The following TOP2A variants were observed in gnomAD, a reference collection of about 807,000 sequenced individuals.
The protein encoded by TOP2A is DNA topoisomerase II alpha.
TOP2A carries 68 observed loss-of-function variants against 187.2 expected under a neutral mutation model. That is an observed-to-expected ratio of 0.36 (90% CI 0.30 to 0.44). The LOEUF (loss-of-function observed/expected upper bound fraction) is 0.44, where lower values mean the gene tolerates loss of function less well. Among genes scored for constraint, TOP2A ranks in the 20% least tolerant of loss-of-function variants. The pLI, the probability that TOP2A is intolerant of heterozygous loss-of-function variation, is 1.00. For synonymous variants in TOP2A, 542 were observed against 593.2 expected (o/e 0.91, Z 1.25); for missense variants, 1,196 against 1,808.7 (o/e 0.66, Z 6.14).
chr17:40,406,300 C>G, intron 16 of TOP2A, 84 bp downstream of exon 16: 1 of 918,172 alleles, frequency 1.1e-6, no homozygotes, highest in Non-Finnish European at 1.6e-6. Flanking sequence ...GATACGGAGT[C>G]TTATACAAAA....
intron 24 of TOP2A, among the ~76,000 whole-genome samples, 175 bp downstream of exon 24, chr17:40,399,697 A>G (rs1017954093): frequency 2.6e-5 from 4 of 152,176 alleles, no homozygotes; most frequent in African/African-American, 9.7e-5. Flanking sequence ...AGGAAACATC[A>G]TCTCTTTCAA....
At chr17:40,399,204 G>T in intron 24 of TOP2A, 73 bp from the exon 25 acceptor site, 1 of 1,095,582 alleles carries the variant, frequency 9.1e-7, no homozygotes, top group Non-Finnish European at 1.3e-6. Flanking sequence ...TTTTACACAA[G>T]TCAAAAGTTT....
At chr17:40,409,503 A>C (rs776677903) in intron 10 of TOP2A, 2 of 444,374 alleles carry the variant, frequency 4.5e-6, no homozygotes, top group Non-Finnish European at 9.0e-6. Context: ...TTACGCCTGT[A>C]ATCACAGCAC....
rs1343014654 is a variant in TOP2A at position 40,392,597 on chromosome 17, G to A, written c.3952C>T (p.Arg1318Trp). The stretch of plus-strand genomic sequence containing the variant: ...TAGTTTTCCTTACTTGCTGCTCTCC[G>A]TGGCTCTGTTTCTCGTGGAGGGACA... ...FDVPPRETEP[R>W]RAATKTKFTM... is the part of the protein sequence containing the mutation. The change falls in exon 30 of 35, where the codon CGG (arginine) becomes TGG (tryptophan). Residue 1318 changes from arginine (R) to tryptophan (W), a missense_variant. Around this residue, in one of 10 missense-constraint regions of TOP2A, gnomAD observed 374 missense variants for 403.3 expected, o/e 0.93. Transcript: ENST00000423485. 4 of 1,611,132 alleles carry A rather than the reference G, an allele frequency of 2.5e-6. No individual in the cohort carries two copies. The Admixed American group carries it at 5.1e-5, about 20-fold the overall frequency.
At chr17:40,399,506 CT>C (rs75225181) in intron 24 of TOP2A, among the ~76,000 whole-genome samples, 601 of 143,756 alleles carry the variant, frequency 4.2e-3, no homozygotes, top group Middle Eastern at 7.2e-3. Flanking sequence ...ATCTTCCTGC[CT>C]TTTTTTTTTT....
At chr17:40,408,825 G>T (rs755892577) in intron 10 of TOP2A, 195 bp from the exon 11 acceptor site, 8 of 689,286 alleles carry the variant, frequency 1.2e-5, no homozygotes, top group Middle Eastern at 2.3e-4. Context: ...GCTCCTTTTG[G>T]TTCATTCGTT....
chr17:40,403,231 G>C (rs1334550346), intron 19 of TOP2A, among the ~76,000 whole-genome samples, 177 bp from the exon 20 acceptor site: 2 of 152,148 alleles, frequency 1.3e-5, no homozygotes, highest in African/African-American at 4.8e-5. Context: ...CAAGTTTAGG[G>C]CTGCCGTCCA....
rs141635844 is a variant in TOP2A at position 40,394,176 on chromosome 17, G to C, written c.3811+1273C>G. 4.3e-3 allele frequency among the ~76,000 whole-genome samples: 630 copies of C among 147,806 alleles called. 4 individuals are homozygous for C. Among genetic ancestry groups the C allele is most frequent in the African/African-American group, 0.015 (590 of 39,300 alleles). ...AGCTCCAAAAGACCACATATTATAT[G>C]ATTTAATTTATAGGAAATGCCCCTA... On this transcript the variant is annotated intron_variant, in intron 29 of 34. Transcript: ENST00000423485.
chr17:40,392,839 T>G, intron 29 of TOP2A, 102 bp from the exon 30 acceptor site: 7 of 954,232 alleles, frequency 7.3e-6, no homozygotes, highest in Non-Finnish European at 1.1e-5. Flanking sequence ...GTGATAGTTC[T>G]GAGAATACAA....
At chr17:40,398,668 T>C (rs753047197) in intron 26 of TOP2A, 27 bp from the exon 27 acceptor site, 22 of 1,603,740 alleles carry the variant, frequency 1.4e-5, no homozygotes, top group Non-Finnish European at 1.6e-5. Flanking sequence ...CAAAATTGAG[T>C]TAATATATGT....
chr17:40,390,581 A>G (rs904150395), intron 33 of TOP2A, among the ~76,000 whole-genome samples: 1 of 152,082 alleles, frequency 6.6e-6, no homozygotes, highest in Admixed American at 6.6e-5. Flanking sequence ...AAGACAATCT[A>G]AGAGAGGTGA....
intron 10 of TOP2A, 52 bp from the exon 11 acceptor site, chr17:40,408,682 A>T: frequency 6.4e-7 from 1 of 1,564,120 alleles, no homozygotes; most frequent in Non-Finnish European, 8.8e-7. Context: ...GAAGGGATCT[A>T]TCAGAAATCT....
At position 40,413,566 on chromosome 17, in the gene TOP2A, T is replaced by C; in HGVS notation, c.392A>G (p.Lys131Arg). The C allele has an allele frequency of 1.3e-6, 2 of 1,518,026 alleles. No homozygotes were observed. The highest frequency in any genetic ancestry group is 1.8e-6 in the Non-Finnish European group (2 of 1,120,190). The allele number at this position is 1,518,026 out of a possible 1,614,324, so 94.0% of individuals were successfully genotyped here. Residue 131 changes from lysine to arginine, a missense_variant, in exon 5 of 35, where the codon AAA (lysine) becomes AGA (arginine). Lys to Arg is a conservative substitution (Grantham distance 26). Around this residue, in one of 10 missense-constraint regions of TOP2A, gnomAD observed 97 missense variants for 171.0 expected, o/e 0.57. Transcript: ENST00000423485. The part of the protein sequence containing the change: ...NGKGIPVVEH[K>R]VEKMYVPALI... Reference sequence around the variant, plus strand: ...AGCTGGGACATACATCTTTTCAACTTTGTGTTCAACAACAGGAATACCTTT... The same window carrying C: ...AGCTGGGACATACATCTTTTCAACTCTGTGTTCAACAACAGGAATACCTTT...
chr17:40,396,512 T>C (rs781396842), intron 27 of TOP2A, 47 bp from the exon 28 acceptor site: 1 of 1,580,034 alleles, frequency 6.3e-7, no homozygotes, highest in Non-Finnish European at 8.6e-7. Flanking sequence ...AACAAAAACA[T>C]TACAATATCT....
chr17:40,392,385 G>A, intron 30 of TOP2A, 44 bp from the exon 31 acceptor site: 1 of 1,554,418 alleles, frequency 6.4e-7, no homozygotes, highest in Non-Finnish European at 8.7e-7. Flanking sequence ...AGGGTAGTAG[G>A]AGAAACAATT....
In TOP2A at chr17:40,408,580, C is replaced by T; in HGVS notation, c.1254G>A (p.Lys418=). Residue 418 remains lysine (K), a synonymous_variant, in exon 11 of 35, where the codon AAG becomes AAA. Coordinates refer to ENST00000423485, the MANE Select transcript of TOP2A (RefSeq NM_001067.4). ...ACTTCTTGTTTAACTGGACTTGGGC[C>T]TTAAACTTCACCCAGTTTAGTATGC... ...VESILNWVKF[K]AQVQLNKKCS... is the part of the protein sequence containing the mutation. 1 of 1,613,756 alleles carries T rather than the reference C, an allele frequency of 6.2e-7. No homozygotes were observed. The highest frequency in any genetic ancestry group is 8.5e-7 in the Non-Finnish European group (1 of 1,179,742).
chr17:40,413,932 T>C (rs2035356631), intron 4 of TOP2A, among the ~76,000 whole-genome samples: 3 of 152,106 alleles, frequency 2.0e-5, no homozygotes, highest in Admixed American at 1.3e-4. Context: ...GTTGGGGTTA[T>C]AGATGTGAGC....
At chr17:40,393,437 G>C (rs1459804284) in intron 29 of TOP2A, among the ~76,000 whole-genome samples, 2 of 152,166 alleles carry the variant, frequency 1.3e-5, no homozygotes, top group Non-Finnish European at 2.9e-5. Context: ...TTGGGAGGCT[G>C]AGATAGAAGG....
rs754498405 is a variant in TOP2A, at chr17:40,389,629, C to G, written c.4486G>C (p.Asp1496His). ...VTSKKSKGES[D>H]DFHMDFDSAV... ...GAGTCAAAGTCCATATGGAAGTCAT[C>G]ACTCTCCCCCTTGGATTTCTAAAAG... is the stretch of plus-strand genomic sequence containing the variant. The change falls in exon 35 of 35, where the codon GAT becomes CAT. Residue 1496 changes from aspartate (D) to histidine (H), a missense_variant. Asp to His is a moderately conservative substitution (Grantham distance 81). Coordinates refer to ENST00000423485, the MANE Select transcript of TOP2A (RefSeq NM_001067.4). 1 of 1,610,034 alleles carries G rather than the reference C, an allele frequency of 6.2e-7. No individual in the cohort carries two copies. Among genetic ancestry groups the G allele is most frequent in the South Asian group, 1.1e-5 (1 of 89,914 alleles).
Sources: allele counts gnomAD v4.1 joint callset (sites outside exome capture counted in the v4.1 genomes callset), GRCh38; gene constraint gnomAD v4.1.1; regional missense constraint gnomAD v4.1.1; transcripts MANE v1.5; gene names NCBI Gene and HGNC (gene_info 2026-07-23, HGNC 2026-07-21).